Variants in NCEH1 observed in about 807,000 individuals in gnomAD.
The protein encoded by NCEH1 is neutral cholesterol ester hydrolase 1.
Under a neutral mutation model 25.4 loss-of-function variants are expected in NCEH1, and 9 were observed. The observed-to-expected ratio is 0.35, with a 90% CI of 0.21 to 0.62. The LOEUF is 0.62. NCEH1 is among the 20% of genes least tolerant of loss of function. The probability of loss-of-function intolerance (pLI) is 0.72; values close to 1 mark genes in which losing one functional copy is unlikely to be tolerated. For synonymous variants in NCEH1, 200 were observed against 199.8 expected, an observed-to-expected ratio of 1.00 and a Z score of -0.01; for missense variants, 412 against 501.1, an observed-to-expected ratio of 0.82 and a Z score of 1.70.
chr3:172,704,234 T>C (rs1713854597), intron 1 of NCEH1, among the ~76,000 whole-genome samples: 1 of 152,208 alleles, frequency 6.6e-6, no homozygotes, highest in African/African-American at 2.4e-5. Flanking sequence ...TGGGGACATT[T>C]GGCAAGATAA....
intron 1 of NCEH1, among the ~76,000 whole-genome samples, chr3:172,687,092 A>G (rs952683412): frequency 8.5e-5 from 13 of 152,198 alleles, no homozygotes; most frequent in Admixed American, 5.9e-4. Context: ...GCTTTCACTG[A>G]TGAGAGATAG....
At position 172,635,581 on chromosome 3, in the gene NCEH1, A is replaced by C. The variant is rs535259384; in HGVS notation, c.609+335T>G. Among the ~76,000 whole-genome samples the C allele has an allele frequency of 9.2e-5, 14 of 152,316 alleles. No homozygotes were observed. In the East Asian group the frequency reaches 2.7e-3, roughly 29 times the overall value. ...CTTAGGAACTGGAATTTAAGCAAAA[A>C]TACTCCGATTTGCAAGTCAAACATG... On this transcript the variant is annotated intron_variant, in intron 4 of 4. Coordinates refer to ENST00000475381, the MANE Select transcript of NCEH1 (RefSeq NM_020792.6).
At chr3:172,706,981 G>C (rs1714041504) in intron 1 of NCEH1, among the ~76,000 whole-genome samples, 1 of 151,862 alleles carries the variant, frequency 6.6e-6, no homozygotes. Context: ...TTTATAGCTA[G>C]AGGTTTGCCT....
intron 1 of NCEH1, among the ~76,000 whole-genome samples, chr3:172,650,947 T>C (rs1289773298): frequency 2.6e-5 from 4 of 151,662 alleles, no homozygotes; most frequent in African/African-American, 9.7e-5. Flanking sequence ...ATGTTCACAA[T>C]TGTATTGATA....
chr3:172,637,686 C>G (rs545913535), intron 3 of NCEH1, among the ~76,000 whole-genome samples: 7 of 152,078 alleles, frequency 4.6e-5, no homozygotes, highest in Non-Finnish European at 7.4e-5. Flanking sequence ...GTCAGGAGTT[C>G]GAGACCAGCC....
rs371896708 is a variant in NCEH1, at chr3:172,689,786, TGA to T, written c.138+21059_138+21060del. Among the ~76,000 whole-genome samples the T allele has an allele frequency of 9.4e-4, 143 of 151,886 alleles. 1 individual carries two copies. In the Middle Eastern group the frequency reaches 0.01, roughly 11 times the overall value. On this transcript the variant is annotated intron_variant, in intron 1 of 4. Coordinates refer to ENST00000475381, the MANE Select transcript of NCEH1 (RefSeq NM_020792.6). ...GGTAGTATAGTAAAATTGGAAAGACTGAGAGTAAAATAGACCATTTTATAATC... is the reference window on the plus strand; with the variant it reads ...GGTAGTATAGTAAAATTGGAAAGACTGAGTAAAATAGACCATTTTATAATC...
At chr3:172,698,054 G>C (rs1388404326) in intron 1 of NCEH1, among the ~76,000 whole-genome samples, 1 of 139,974 alleles carries the variant, frequency 7.1e-6, no homozygotes, top group Non-Finnish European at 1.5e-5. Flanking sequence ...TCAGCTCACT[G>C]CAAGCTCTGC....
chr3:172,702,146 G>A (rs939696059), intron 1 of NCEH1, among the ~76,000 whole-genome samples: 4 of 152,192 alleles, frequency 2.6e-5, no homozygotes, highest in Non-Finnish European at 5.9e-5. Context: ...GCTCCACCTC[G>A]TATAAACGGT....
At chr3:172,677,344 A>G (rs1406123121) in intron 1 of NCEH1, among the ~76,000 whole-genome samples, 3 of 152,254 alleles carry the variant, frequency 2.0e-5, no homozygotes, top group East Asian at 3.8e-4. Flanking sequence ...ATAGACATCT[A>G]CTGATATCTG....
At position 172,630,995 on chromosome 3, in the gene NCEH1, T is replaced by C. The variant is rs1461397265; in HGVS notation, c.*2480A>G. ...AAAGATTATCATTTTTTTCATAAAA[T>C]AGGAAAAGAAAGCCACAGTACTAAA... is the stretch of plus-strand genomic sequence containing the variant. On this transcript the variant is annotated 3_prime_UTR_variant, in exon 5 of 5. Coordinates refer to ENST00000475381, the MANE Select transcript of NCEH1 (RefSeq NM_020792.6). The C allele has an allele frequency of 6.6e-6, 1 of 150,962 alleles. No individual in the cohort carries two copies. Among genetic ancestry groups the C allele is most frequent in the Non-Finnish European group, 1.5e-5 (1 of 67,750 alleles). 9.4% of individuals were successfully genotyped at this position (150,962 alleles called of 1,614,324 possible). A position where few individuals can be genotyped will look rare whatever the true frequency, so the allele number is the denominator to read the frequency against.
chr3:172,696,095 A>G (rs1713353554), intron 1 of NCEH1, among the ~76,000 whole-genome samples: 1 of 152,212 alleles, frequency 6.6e-6, no homozygotes, highest in African/African-American at 2.4e-5. Flanking sequence ...AGTTCTTGTT[A>G]TATGCCAAGC....
At chr3:172,664,287 C>A (rs964207434) in intron 1 of NCEH1, among the ~76,000 whole-genome samples, 2 of 152,162 alleles carry the variant, frequency 1.3e-5, no homozygotes, top group African/African-American at 4.8e-5. Flanking sequence ...GAATATTGGC[C>A]CCCACTCTCG....
At chr3:172,677,850 C>T (rs1199473229) in intron 1 of NCEH1, among the ~76,000 whole-genome samples, 3 of 152,242 alleles carry the variant, frequency 2.0e-5, no homozygotes, top group Non-Finnish European at 2.9e-5. Context: ...ATGGCGTGAA[C>T]CCGGGAGGCG....
At chr3:172,641,883 T>G (rs1456556537) in intron 3 of NCEH1, among the ~76,000 whole-genome samples, 1 of 152,222 alleles carries the variant, frequency 6.6e-6, no homozygotes, top group Non-Finnish European at 1.5e-5. Context: ...ACACCTTTTC[T>G]GATCCTTTAA....
rs2108485184 is a variant in NCEH1, at chr3:172,632,332, A to G, written c.*1143T>C. ...ACTGTAGGGAAGGTTTTAAAACCCT[A>G]AGGCAGTTTTTTAAAAAATACCATT... On this transcript the variant is annotated 3_prime_UTR_variant, in exon 5 of 5. Transcript: ENST00000475381. The G allele has an allele frequency of 6.6e-6, 1 of 152,410 alleles. No homozygotes were observed. The highest frequency in any genetic ancestry group is 6.5e-5 in the Admixed American group (1 of 15,298). 9.4% of individuals were successfully genotyped at this position (152,410 alleles called of 1,614,324 possible).
At chr3:172,704,596 A>G (rs1191939990) in intron 1 of NCEH1, among the ~76,000 whole-genome samples, 1 of 152,226 alleles carries the variant, frequency 6.6e-6, no homozygotes, top group African/African-American at 2.4e-5. Context: ...TTCATTTAAT[A>G]AGTGATCACT....
intron 1 of NCEH1, among the ~76,000 whole-genome samples, chr3:172,695,028 G>A (rs1198586166): frequency 6.6e-6 from 1 of 152,156 alleles, no homozygotes; most frequent in Admixed American, 6.5e-5. Context: ...CATAATAATT[G>A]CTCAACTAAC....
At chr3:172,678,813 A>G (rs596354) in intron 1 of NCEH1, among the ~76,000 whole-genome samples, 117,369 of 152,138 alleles carry the variant, frequency 0.77, 45,686 homozygotes, top group East Asian at 1. Flanking sequence ...ACACTGTACC[A>G]AACAGGTCAT....
rs543794421 is a variant in NCEH1, at chr3:172,681,492, T to C, written c.138+29355A>G. Among the ~76,000 whole-genome samples, 5 of 152,142 alleles carry C rather than the reference T, an allele frequency of 3.3e-5. No individual in the cohort carries two copies. The South Asian group carries it at 1.0e-3, about 32-fold the overall frequency. ...TATTTCATGATCTCTTCTGTGAGGA[T>C]TGCAAATTGAGGCCTTTAAAGGATG... On this transcript the variant is annotated intron_variant, in intron 1 of 4. Transcript: ENST00000475381.
Sources: allele counts gnomAD v4.1 joint callset (sites outside exome capture counted in the v4.1 genomes callset), GRCh38; gene constraint gnomAD v4.1.1; transcripts MANE v1.5; gene names NCBI Gene and HGNC (gene_info 2026-07-23, HGNC 2026-07-21).